Variants in CEP170 observed in about 807,000 individuals in gnomAD.
CEP170 encodes the protein centrosomal protein of 170 kDa.
A neutral mutation model predicts 151.9 loss-of-function variants in CEP170; 21 were observed. The observed-to-expected ratio is 0.14, with a 90% CI of 0.10 to 0.20. CEP170 has a LOEUF of 0.20. Ranked by LOEUF, CEP170 falls within the 10% of genes least tolerant of loss-of-function variation. The probability of loss-of-function intolerance (pLI) is 1.00; values close to 1 mark genes in which losing one functional copy is unlikely to be tolerated. For synonymous variants in CEP170, 356 were observed against 648.8 expected (o/e 0.55, Z 6.86); for missense variants, 964 against 1,892.9 (o/e 0.51, Z 9.11).
chr1:243,148,627 T>C lies in CEP170; in HGVS notation c.3912-6164A>G, dbSNP rs193038235. On this transcript the variant is annotated intron_variant, in intron 14 of 19. Coordinates refer to ENST00000366542, the MANE Select transcript of CEP170 (RefSeq NM_014812.3). ...TTTAGTATTTACAAAGCAATAGTTA[T>C]GAATGATTCCATGATCTCACAGTAC... 2.2e-3 allele frequency among the ~76,000 whole-genome samples: 330 copies of C among 152,298 alleles called. 2 individuals are homozygous for C. The highest frequency in any genetic ancestry group is 7.7e-3 in the African/African-American group (319 of 41,566).
chr1:243,247,447 G>A lies in CEP170; in HGVS notation c.-42+7593C>T, dbSNP rs187865137. On this transcript the variant is annotated intron_variant, in intron 1 of 19. Coordinates refer to ENST00000366542, the MANE Select transcript of CEP170 (RefSeq NM_014812.3). ...TGGCTCACTGCAATCTCCATCTCCT[G>A]GGCTCAAGCAATTCTCCTTCCTCAG... is the stretch of plus-strand genomic sequence containing the variant. 1.8e-3 allele frequency among the ~76,000 whole-genome samples: 275 copies of A among 152,256 alleles called. 3 individuals carry two copies. The highest frequency in any genetic ancestry group is 6.5e-3 in the African/African-American group (268 of 41,538).
In CEP170 at chr1:243,191,168, G is replaced by C. The variant is rs1174089491; in HGVS notation, c.958C>G (p.Leu320Val). 1 of 1,612,632 alleles carries C rather than the reference G, an allele frequency of 6.2e-7. No individual in the cohort carries two copies. The highest frequency in any genetic ancestry group is 1.1e-5 in the South Asian group (1 of 90,842). The change falls in exon 8 of 20, where the codon CTG (leucine) becomes GTG (valine). Residue 320 changes from leucine (L) to valine (V), a missense_variant. By Grantham distance (32) the Leu-to-Val change is conservative (BLOSUM62 1). Transcript: ENST00000366542. ...GCCATCATTCCTGTTTGAATCCCCA[G>C]CAAGTCTTGAGTTCCAGGAGAAGAC... ...KKSSPGTQDL[L>V]GIQTGMMAPE...
intron 1 of CEP170, among the ~76,000 whole-genome samples, chr1:243,242,249 C>T (rs980699418): frequency 5.3e-5 from 8 of 152,112 alleles, no homozygotes; most frequent in East Asian, 1.9e-4. Flanking sequence ...GGGACAGTCT[C>T]GCTCTGTCGC....
intron 1 of CEP170, among the ~76,000 whole-genome samples, chr1:243,245,212 T>G (rs1464561003): frequency 6.6e-6 from 1 of 151,978 alleles, no homozygotes; most frequent in African/African-American, 2.4e-5. Flanking sequence ...AATAAGCACA[T>G]TTTAAAAAAA....
At chr1:243,226,194 T>C (rs61833881) in intron 1 of CEP170, among the ~76,000 whole-genome samples, 112,810 of 135,934 alleles carry the variant, frequency 0.83, 46,452 homozygotes, top group East Asian at 0.94. Flanking sequence ...GATATATATA[T>C]CTAGATATAT....
intron 10 of CEP170, among the ~76,000 whole-genome samples, chr1:243,178,965 C>A (rs1409177874): frequency 6.6e-6 from 1 of 152,202 alleles, no homozygotes; most frequent in Non-Finnish European, 1.5e-5. Context: ...TGATCACCCG[C>A]CTTGGCCTCC....
chr1:243,180,052 C>A (rs1044405134), intron 10 of CEP170, among the ~76,000 whole-genome samples: 4 of 152,096 alleles, frequency 2.6e-5, no homozygotes, highest in Non-Finnish European at 5.9e-5. Flanking sequence ...ACATTTTAAA[C>A]GTATTTAATA....
chr1:243,228,247 T>A (rs1452274733), intron 1 of CEP170, among the ~76,000 whole-genome samples: 2 of 152,178 alleles, frequency 1.3e-5, no homozygotes, highest in Non-Finnish European at 2.9e-5. Context: ...TATACACACA[T>A]GAAAAAACAA....
chr1:243,202,727 G>A (rs937658681), intron 4 of CEP170, among the ~76,000 whole-genome samples: 1 of 151,952 alleles, frequency 6.6e-6, no homozygotes, highest in African/African-American at 2.4e-5. Context: ...TAATAATACT[G>A]TCTAGTAACT....
At chr1:243,236,204 T>C (rs2064234759) in intron 1 of CEP170, among the ~76,000 whole-genome samples, 1 of 152,210 alleles carries the variant, frequency 6.6e-6, no homozygotes. Flanking sequence ...AGGTTACAAA[T>C]GCAGTATAAA....
intron 1 of CEP170, among the ~76,000 whole-genome samples, chr1:243,238,117 T>C (rs1409435727): frequency 1.3e-5 from 2 of 152,052 alleles, no homozygotes; most frequent in Non-Finnish European, 2.9e-5. Context: ...AATTGTTCTG[T>C]AGTTTGATTA....
intron 4 of CEP170, among the ~76,000 whole-genome samples, chr1:243,206,413 G>T (rs1412608235): frequency 6.6e-6 from 1 of 152,216 alleles, no homozygotes; most frequent in Non-Finnish European, 1.5e-5. Context: ...GATTATAGGC[G>T]TGGGCCACCA....
chr1:243,156,557 C>A, intron 13 of CEP170, 102 bp from the exon 14 acceptor site: 6 of 1,106,458 alleles, frequency 5.4e-6, no homozygotes, highest in Non-Finnish European at 7.5e-6. Flanking sequence ...GCACACACGG[C>A]ACAATTTTCA....
At chr1:243,233,485 G>A (rs1196820779) in intron 1 of CEP170, among the ~76,000 whole-genome samples, 1 of 151,988 alleles carries the variant, frequency 6.6e-6, no homozygotes, top group African/African-American at 2.4e-5. Context: ...TGTAATCCCA[G>A]CACTTTGGGA....
chr1:243,236,656 T>C (rs1191507757), intron 1 of CEP170, among the ~76,000 whole-genome samples: 2 of 152,188 alleles, frequency 1.3e-5, no homozygotes, highest in Non-Finnish European at 2.9e-5. Flanking sequence ...ACCTAGACTC[T>C]GAAAGAATAG....
At chr1:243,201,807 A>C (rs1365112471) in intron 4 of CEP170, among the ~76,000 whole-genome samples, 3 of 152,198 alleles carry the variant, frequency 2.0e-5, no homozygotes, top group Non-Finnish European at 4.4e-5. Context: ...TTTCATAAAT[A>C]AAGAACCTGG....
rs371392454 is a variant in CEP170 at position 243,152,521 on chromosome 1, A to ATTTTTT, written c.3911+3694_3911+3699dup. ...CAGGCGTGAGCCACCGCGCCCAGCCATTTTTTTTTTTTTTTTTTTTTTTTT... is the reference window on the plus strand; with the variant it reads ...CAGGCGTGAGCCACCGCGCCCAGCCATTTTTTTTTTTTTTTTTTTTTTTTTTTTTTT... On this transcript the variant is annotated intron_variant, in intron 14 of 19. Transcript: ENST00000366542. Among the ~76,000 whole-genome samples, 327 of 54,946 alleles carry ATTTTTT rather than the reference A, an allele frequency of 6.0e-3. 74 individuals carry two copies. Among genetic ancestry groups the ATTTTTT allele is most frequent in the South Asian group, 0.021 (20 of 962 alleles). The allele number at this position is 54,946 out of a possible 152,430, so 36.0% of individuals were successfully genotyped here.
At chr1:243,228,336 T>C (rs935456174) in intron 1 of CEP170, among the ~76,000 whole-genome samples, 1 of 152,240 alleles carries the variant, frequency 6.6e-6, no homozygotes, top group Non-Finnish European at 1.5e-5. Context: ...GCTTATTTGA[T>C]ATAGTTGATT....
At chr1:243,228,043 T>C (rs1298153314) in intron 1 of CEP170, among the ~76,000 whole-genome samples, 1 of 152,220 alleles carries the variant, frequency 6.6e-6, no homozygotes, top group Non-Finnish European at 1.5e-5. Context: ...TTCTTTCTTA[T>C]GAATCAAAAG....
Sources: allele counts gnomAD v4.1 joint callset (sites outside exome capture counted in the v4.1 genomes callset), GRCh38; gene constraint gnomAD v4.1.1; transcripts MANE v1.5; gene names NCBI Gene and HGNC (gene_info 2026-07-23, HGNC 2026-07-21).